TNIP1: variants seen among roughly 807,000 people sequenced by gnomAD.
TNIP1 encodes TNFAIP3 interacting protein 1, also known as TNFAIP3-interacting protein 1.
In TNIP1, 22 loss-of-function variants were observed where a neutral mutation model predicts 86.6. That is an observed-to-expected ratio of 0.25 (90% CI 0.18 to 0.36). The LOEUF (loss-of-function observed/expected upper bound fraction) is 0.36, where lower values mean the gene tolerates loss of function less well. Among genes scored for constraint, TNIP1 ranks in the 10% least tolerant of loss-of-function variants. The pLI is 1.00. For synonymous variants in TNIP1, 294 were observed against 313.0 expected, an observed-to-expected ratio of 0.94 and a Z score of 0.64; for missense variants, 709 against 820.6, an observed-to-expected ratio of 0.86 and a Z score of 1.66.
chr5:151,047,928 TCAGCGTTCTCTTTC>T (rs548419600), intron 8 of TNIP1, among the ~76,000 whole-genome samples: 102 of 152,120 alleles, frequency 6.7e-4, no homozygotes, highest in African/African-American at 2.2e-3. Flanking sequence ...CTCTCTATTC[TCAGCGTTCTCTTTC>T]CAGCGTTCTC....
At chr5:151,072,533 T>C (rs1762931264) in intron 1 of TNIP1, among the ~76,000 whole-genome samples, 1 of 152,220 alleles carries the variant, frequency 6.6e-6, no homozygotes, top group Non-Finnish European at 1.5e-5. Context: ...CCCAGTTCTG[T>C]TTCCACTGGC....
chr5:151,076,230 C>T (rs1763379206), intron 1 of TNIP1, among the ~76,000 whole-genome samples: 1 of 152,210 alleles, frequency 6.6e-6, no homozygotes. Context: ...TGCTCCCCCA[C>T]AAAACAAGGG....
intron 5 of TNIP1, among the ~76,000 whole-genome samples, chr5:151,057,656 G>A (rs1050540797): frequency 1.3e-5 from 2 of 152,186 alleles, no homozygotes; most frequent in Non-Finnish European, 2.9e-5. Flanking sequence ...GTCGGAGGTT[G>A]CAGTGAGCAG....
intron 1 of TNIP1, among the ~76,000 whole-genome samples, chr5:151,065,416 A>C (rs537352903): frequency 6.2e-4 from 94 of 152,354 alleles, no homozygotes; most frequent in African/African-American, 2.2e-3. Flanking sequence ...GATACAAGAA[A>C]GAACCTGGAC....
rs763305560 is a variant in TNIP1, at chr5:151,036,778, C to T, written c.1395+12G>A. Reference sequence around the variant, plus strand: ...GAGCACCTCCCACCTGATTTCCTCCCGGAAGCCTCACCTGCTGTTTCAGCA... The same window carrying T: ...GAGCACCTCCCACCTGATTTCCTCCTGGAAGCCTCACCTGCTGTTTCAGCA... On this transcript the variant is annotated intron_variant, in intron 13 of 17. Transcript: ENST00000521591. 27 of 1,613,794 alleles carry T rather than the reference C, an allele frequency of 1.7e-5. No individual in the cohort carries two copies. Among genetic ancestry groups the T allele is most frequent in the African/African-American group, 4.0e-5 (3 of 74,932 alleles).
At chr5:151,083,950 A>G (rs1249956656), upstream of TNIP1, among the ~76,000 whole-genome samples, 1 of 152,232 alleles carries the variant, frequency 6.6e-6, no homozygotes, top group Non-Finnish European at 1.5e-5. Context: ...GGTCGGCACC[A>G]TTATCATCCA....
In TNIP1 at chr5:151,030,206, C is replaced by T. The variant is rs947084016; in HGVS notation, c.*507G>A. 4 of 453,884 alleles carry T rather than the reference C, an allele frequency of 8.8e-6. No individual in the cohort carries two copies. Among genetic ancestry groups the T allele is most frequent in the African/African-American group, 2.0e-5 (1 of 50,072 alleles). The allele number at this position is 453,884 out of a possible 1,614,324, so 28.1% of individuals were successfully genotyped here. On this transcript the variant is annotated 3_prime_UTR_variant, in exon 18 of 18. Transcript: ENST00000521591. ...CCAGAGCCAGAATATCCATCATTCT[C>T]TTCTGTTCTGGAGACAAACCCACAC...
upstream of TNIP1, among the ~76,000 whole-genome samples, chr5:151,085,080 A>G (rs76956521): frequency 6.6e-6 from 1 of 152,146 alleles, no homozygotes; most frequent in African/African-American, 2.4e-5. Flanking sequence ...AGAGGTTTTC[A>G]CAGTCATTCA....
intron 3 of TNIP1, among the ~76,000 whole-genome samples, chr5:151,062,504 T>C (rs1327044770): frequency 2.0e-5 from 3 of 152,164 alleles, no homozygotes; most frequent in African/African-American, 7.2e-5. Flanking sequence ...AAGACAATGA[T>C]TTACAATTTG....
chr5:151,059,537 G>C (rs995974489), intron 5 of TNIP1, among the ~76,000 whole-genome samples: 13 of 152,154 alleles, frequency 8.5e-5, no homozygotes, highest in African/African-American at 3.1e-4. Context: ...TGAAGGGCTA[G>C]AGCACCTATT....
chr5:151,074,040 T>C (rs1763112606), intron 1 of TNIP1, among the ~76,000 whole-genome samples: 1 of 152,196 alleles, frequency 6.6e-6, no homozygotes, highest in African/African-American at 2.4e-5. Flanking sequence ...TTTTAACTCT[T>C]TACATGGGAA....
chr5:151,043,087 G>A, intron 9 of TNIP1, 126 bp from the exon 10 acceptor site: 3 of 933,338 alleles, frequency 3.2e-6, no homozygotes, highest in Non-Finnish European at 5.2e-6. Flanking sequence ...TACAGACACT[G>A]TCTCCATCCC....
intron 5 of TNIP1, among the ~76,000 whole-genome samples, chr5:151,059,772 CGAGAGACAGAGAGAGAGAGAGAGAGAGA>C (rs1761149723): frequency 1.5e-5 from 1 of 67,508 alleles, no homozygotes; most frequent in South Asian, 4.6e-4. Flanking sequence ...CAGAGCTGTA[CGAGAGACAGAGAGAGAGAGAGAGAGAGA>C]GAGAGAGAGA....
chr5:151,064,802 A>C (rs558061795), intron 2 of TNIP1, among the ~76,000 whole-genome samples, 158 bp downstream of exon 2: 15 of 152,222 alleles, frequency 9.9e-5, no homozygotes, highest in African/African-American at 3.6e-4. Flanking sequence ...TGGTGCATAG[A>C]GACAGCTGTG....
intron 17 of TNIP1, 86 bp from the exon 18 acceptor site, chr5:151,030,833 T>C (rs537653018): frequency 1.7e-6 from 2 of 1,148,880 alleles, no homozygotes; most frequent in East Asian, 4.8e-5. Context: ...GCAGGAACAG[T>C]GAAAATAACA....
intron 7 of TNIP1, among the ~76,000 whole-genome samples, chr5:151,050,346 G>A (rs1040780014): frequency 2.6e-5 from 4 of 152,144 alleles, no homozygotes; most frequent in African/African-American, 9.7e-5. Context: ...CTAGTTACTC[G>A]CCAGTTTCCC....
At chr5:151,087,099 G>A (rs1238825449) in exon 1 of TNIP1, 1 of 153,024 alleles carries the variant, frequency 6.5e-6, no homozygotes. Flanking sequence ...GGAAGGGCAG[G>A]AGAATACGAG....
chr5:151,052,079 C>T (rs1760000406), intron 7 of TNIP1, 86 bp downstream of exon 7: 1 of 1,264,968 alleles, frequency 7.9e-7, no homozygotes, highest in Non-Finnish European at 1.1e-6. Context: ...GAGCCACGGT[C>T]CTCAACCCAG....
In TNIP1 at chr5:151,030,068, C is replaced by T; in HGVS notation, c.*645G>A. The T allele has an allele frequency of 2.2e-6, 1 of 456,902 alleles. No individual in the cohort carries two copies. The highest frequency in any genetic ancestry group is 4.4e-6 in the Non-Finnish European group (1 of 226,980). 28.3% of individuals were successfully genotyped at this position (456,902 alleles called of 1,614,324 possible). ...CCAGCTATGGGGTCCAGGGTCTGAACCTCAGGGCCTGGCAGCTTCAGGCTG... is the reference window on the plus strand; with the variant it reads ...CCAGCTATGGGGTCCAGGGTCTGAATCTCAGGGCCTGGCAGCTTCAGGCTG... On this transcript the variant is annotated 3_prime_UTR_variant, in exon 18 of 18. Coordinates refer to ENST00000521591, the MANE Select transcript of TNIP1 (RefSeq NM_006058.5).
Sources: allele counts gnomAD v4.1 joint callset (sites outside exome capture counted in the v4.1 genomes callset), GRCh38; gene constraint gnomAD v4.1.1; transcripts MANE v1.5; gene names NCBI Gene and HGNC (gene_info 2026-07-23, HGNC 2026-07-21).